AP1M1: variants seen among roughly 807,000 people sequenced by gnomAD.
AP1M1 encodes the protein AP-1 complex subunit mu-1.
Under a neutral mutation model 57.1 loss-of-function variants are expected in AP1M1, and 18 were observed. The ratio of observed to expected loss-of-function variants is 0.32; its 90% CI spans 0.22 to 0.47. AP1M1 has a LOEUF of 0.47. Among genes scored for constraint, AP1M1 ranks in the 20% least tolerant of loss-of-function variants. The pLI, the probability that AP1M1 is intolerant of heterozygous loss-of-function variation, is 1.00. For missense variants in AP1M1, 362 were observed against 593.5 expected, an observed-to-expected ratio of 0.61 and a Z score of 4.05; for synonymous variants, 241 against 237.9, an observed-to-expected ratio of 1.01 and a Z score of -0.12.
intron 1 of AP1M1, among the ~76,000 whole-genome samples, chr19:16,199,760 C>T (rs1464437424): frequency 2.0e-5 from 3 of 152,250 alleles, no homozygotes; most frequent in African/African-American, 4.8e-5. Flanking sequence ...CTGGGTGGTG[C>T]GGTGGAATGA....
In AP1M1 at chr19:16,203,992, G is replaced by T. The variant is rs2091459732; in HGVS notation, c.199+377G>T. On this transcript the variant is annotated intron_variant, in intron 2 of 11. Coordinates refer to ENST00000291439, the MANE Select transcript of AP1M1 (RefSeq NM_032493.4). This position sits in a 1 kb window ranked among gnomAD's most constrained non-coding sequence, Gnocchi z 4.6. Reference sequence around the variant, plus strand: ...CAGCTGCACTCGGGGTGGCTGGAGAGGGGGCGTGTAGGGCAGCGAGGCTGG... The same window carrying T: ...CAGCTGCACTCGGGGTGGCTGGAGATGGGGCGTGTAGGGCAGCGAGGCTGG... Among the ~76,000 whole-genome samples, 2 of 152,216 alleles carry T rather than the reference G, an allele frequency of 1.3e-5. No homozygotes were observed. The highest frequency in any genetic ancestry group is 1.3e-4 in the Admixed American group (2 of 15,290).
intron 5 of AP1M1, among the ~76,000 whole-genome samples, chr19:16,215,408 C>T (rs1378600253): frequency 4.3e-5 from 6 of 138,404 alleles, no homozygotes; most frequent in African/African-American, 1.1e-4. Flanking sequence ...TTGCAGTGAC[C>T]TGCTGAGATC....
In AP1M1 at chr19:16,235,073, T is replaced by A. The variant is rs540166403; in HGVS notation, c.*638T>A. On this transcript the variant is annotated 3_prime_UTR_variant, in exon 12 of 12. Transcript: ENST00000291439. ...GGCACCTGGCGCGCTCGGGGGCCAC[T>A]GTAGCGTCTGCCTGCTCCCTGGACT... 182 of 153,080 alleles carry A rather than the reference T, an allele frequency of 1.2e-3. 1 individual carries two copies. Among genetic ancestry groups the A allele is most frequent in the Admixed American group, 0.01 (156 of 15,420 alleles). 9.5% of individuals were successfully genotyped at this position (153,080 alleles called of 1,614,324 possible). A position where few individuals can be genotyped will look rare whatever the true frequency, so the allele number is the denominator to read the frequency against.
rs1306521388 is a variant in AP1M1, at chr19:16,228,115, C to T, written c.817-22C>T. The T allele has an allele frequency of 6.2e-7, 1 of 1,613,126 alleles. No homozygotes were observed. Among genetic ancestry groups the T allele is most frequent in the Non-Finnish European group, 8.5e-7 (1 of 1,179,692 alleles). Reference sequence around the variant, plus strand: ...TGTCAAACAAGGCCAGGTGTGAGCACCCTCTTTGCCCTCCTTGGCAGGTCA... The same window carrying T: ...TGTCAAACAAGGCCAGGTGTGAGCATCCTCTTTGCCCTCCTTGGCAGGTCA... On this transcript the variant is annotated intron_variant, in intron 7 of 11. Transcript: ENST00000291439. This position sits in a 1 kb window ranked among gnomAD's most constrained non-coding sequence, Gnocchi z 5.0.
chr19:16,234,600 A>T lies in AP1M1; in HGVS notation c.*165A>T. 1 of 781,426 alleles carries T rather than the reference A, an allele frequency of 1.3e-6. No homozygotes were observed. Among genetic ancestry groups the T allele is most frequent in the Non-Finnish European group, 2.1e-6 (1 of 486,728 alleles). 48.4% of individuals were successfully genotyped at this position (781,426 alleles called of 1,614,324 possible). ...CCCCAGGCCATCTGCTCTGCCGTCG[A>T]CACTCGTCTCAGAAGCCCCTTTCCC... is the stretch of plus-strand genomic sequence containing the variant. On this transcript the variant is annotated 3_prime_UTR_variant, in exon 12 of 12. Coordinates refer to ENST00000291439, the MANE Select transcript of AP1M1 (RefSeq NM_032493.4).
chr19:16,215,207 GGGGGAGAGGGGGGA>G (rs2091513437), intron 5 of AP1M1, among the ~76,000 whole-genome samples: 2 of 44,880 alleles, frequency 4.5e-5, no homozygotes, highest in Admixed American at 1.9e-4. Context: ...GGGCGGGGGG[GGGGGAGAGGGGGGA>G]GGGGGGAGGG....
In AP1M1 at chr19:16,203,644, G is replaced by C. The variant is rs755561939; in HGVS notation, c.199+29G>C. On this transcript the variant is annotated intron_variant, in intron 2 of 11. Transcript: ENST00000291439. The surrounding 1 kb of genome is among the most constrained non-coding windows in gnomAD (Gnocchi z 4.6). ...TCCCTTTGCTGGGGGTGCTCCCAGGGGACTCCTGTGTGGGTGTTGGTGTGT... is the reference window on the plus strand; with the variant it reads ...TCCCTTTGCTGGGGGTGCTCCCAGGCGACTCCTGTGTGGGTGTTGGTGTGT... 1.9e-6 allele frequency: 3 copies of C among 1,578,708 alleles called. No homozygotes were observed. The highest frequency in any genetic ancestry group is 1.8e-5 in the Admixed American group (1 of 56,770).
At chr19:16,201,014 G>A (rs2145110491) in intron 1 of AP1M1, among the ~76,000 whole-genome samples, 1 of 152,246 alleles carries the variant, frequency 6.6e-6, no homozygotes, top group East Asian at 1.9e-4. Flanking sequence ...ACACCAGAGA[G>A]GTCCCGCCGC....
At chr19:16,216,444 C>CAA (rs796076286) in intron 5 of AP1M1, among the ~76,000 whole-genome samples, 5 of 117,078 alleles carry the variant, frequency 4.3e-5, no homozygotes, top group African/African-American at 6.4e-5. Context: ...AACTCCGTCT[C>CAA]AAAAAAAAAA....
At chr19:16,233,913 G>A (rs555952870) in intron 10 of AP1M1, 65 of 551,964 alleles carry the variant, frequency 1.2e-4, no homozygotes, top group African/African-American at 1.1e-3. Context: ...ACAGAGGGAG[G>A]AGAGGCTCCC....
rs1027771333 is a variant in AP1M1, at chr19:16,234,823, G to A, written c.*388G>A. On this transcript the variant is annotated 3_prime_UTR_variant, in exon 12 of 12. Coordinates refer to ENST00000291439, the MANE Select transcript of AP1M1 (RefSeq NM_032493.4). ...ACGAAGGAAGCGCCAGCCTCGCCAG[G>A]CCAGCAGGGGCGTCGTTTTGTTGCC... 1 of 357,242 alleles carries A rather than the reference G, an allele frequency of 2.8e-6. No homozygotes were observed. The highest frequency in any genetic ancestry group is 5.2e-5 in the East Asian group (1 of 19,068). The allele number at this position is 357,242 out of a possible 1,614,324, so 22.1% of individuals were successfully genotyped here.
intron 1 of AP1M1, among the ~76,000 whole-genome samples, chr19:16,202,154 C>T (rs1039628659): frequency 2.0e-5 from 3 of 152,154 alleles, no homozygotes; most frequent in South Asian, 2.1e-4. Flanking sequence ...GGTGCCACCC[C>T]GCACCACCCC....
chr19:16,229,162 G>C (rs554947782), intron 9 of AP1M1, among the ~76,000 whole-genome samples: 1 of 152,352 alleles, frequency 6.6e-6, no homozygotes, highest in East Asian at 1.9e-4. Flanking sequence ...ACCAGCCTCT[G>C]TCTTCACCTC....
At chr19:16,218,385 C>T (rs1406817315) in intron 5 of AP1M1, among the ~76,000 whole-genome samples, 1 of 152,214 alleles carries the variant, frequency 6.6e-6, no homozygotes, top group Middle Eastern at 3.2e-3. Context: ...CCGTGGCAGT[C>T]GAGGGGTCCT....
chr19:16,208,295 A>G (rs2091478407), intron 4 of AP1M1, 146 bp downstream of exon 4: 3 of 887,486 alleles, frequency 3.4e-6, no homozygotes, highest in Admixed American at 3.0e-5. Flanking sequence ...GGTTTTTACT[A>G]AGTTGCTCTT....
chr19:16,243,243 G>T lies in AP1M1; in HGVS notation c.*8808G>T, dbSNP rs2091651421. 1 of 116,600 alleles carries T rather than the reference G, an allele frequency of 8.6e-6. No homozygotes were observed. Among genetic ancestry groups the T allele is most frequent in the South Asian group, 3.0e-4 (1 of 3,358 alleles). The allele number at this position is 116,600 out of a possible 1,614,324, so 7.2% of individuals were successfully genotyped here. On this transcript the variant is annotated 3_prime_UTR_variant, in exon 12 of 12. Coordinates refer to ENST00000291439, the MANE Select transcript of AP1M1 (RefSeq NM_032493.4). Reference sequence around the variant, plus strand: ...TTTAAAATATTTCCAAATATGAGAGGTTTTTTTTGTTTTTGTTTTTGTTTT... The same window carrying T: ...TTTAAAATATTTCCAAATATGAGAGTTTTTTTTTGTTTTTGTTTTTGTTTT...
chr19:16,216,694 A>T (rs1159379178), intron 5 of AP1M1, among the ~76,000 whole-genome samples: 1 of 152,178 alleles, frequency 6.6e-6, no homozygotes. Context: ...GGAAGATTTT[A>T]GGGGACCAAG....
chr19:16,198,699 C>T (rs560883118), intron 1 of AP1M1, among the ~76,000 whole-genome samples: 1 of 152,280 alleles, frequency 6.6e-6, no homozygotes, highest in South Asian at 2.1e-4. Context: ...GTCTAGGAGT[C>T]CGATCCAGAA....
intron 5 of AP1M1, among the ~76,000 whole-genome samples, chr19:16,218,188 G>A (rs1366745110): frequency 6.6e-6 from 1 of 152,228 alleles, no homozygotes; most frequent in African/African-American, 2.4e-5. Flanking sequence ...CCGCTCCATA[G>A]GGAGCAGTGC....
Sources: gnomAD v4.1 joint callset for allele counts (sites outside exome capture counted in the v4.1 genomes callset) on GRCh38, gnomAD v4.1.1 for gene constraint, Gnocchi (gnomAD v3.1) non-coding constraint, MANE v1.5 for transcripts, NCBI Gene and HGNC (gene_info 2026-07-23, HGNC 2026-07-21) for gene names.